The following SLC39A11 variants were observed in gnomAD, a reference collection of about 807,000 sequenced individuals.
SLC39A11 encodes solute carrier family 39 member 11, also known as zinc transporter ZIP11.
Under a neutral mutation model 36.1 loss-of-function variants are expected in SLC39A11, and 33 were observed. The ratio of observed to expected loss-of-function variants is 0.91; its 90% CI spans 0.69 to 1.22. SLC39A11 has a LOEUF of 1.22. Ranked by LOEUF, SLC39A11 falls within the 50% of genes most tolerant of loss-of-function variation. The pLI is 0.00. For missense variants in SLC39A11, 432 were observed against 430.3 expected (o/e 1.00, Z -0.03); for synonymous variants, 166 against 170.3 (o/e 0.97, Z 0.20).
intron 3 of SLC39A11, among the ~76,000 whole-genome samples, chr17:73,034,040 C>T (rs535687468): frequency 4.6e-5 from 7 of 152,264 alleles, no homozygotes; most frequent in South Asian, 2.1e-4. Context: ...CTCCATGAGC[C>T]GGGCTGTCAA....
chr17:72,662,552 AAAAAG>A (rs1298994158), intron 7 of SLC39A11, among the ~76,000 whole-genome samples: 19 of 93,762 alleles, frequency 2.0e-4, no homozygotes, highest in African/African-American at 5.6e-4. Context: ...AAAGAAAAGA[AAAAAG>A]AAAAGAAAAG....
intron 5 of SLC39A11, among the ~76,000 whole-genome samples, chr17:72,886,564 G>A (rs766819067): frequency 6.6e-6 from 1 of 152,082 alleles, no homozygotes; most frequent in Non-Finnish European, 1.5e-5. Flanking sequence ...CCTCCAAACT[G>A]CTGATCTGGA....
intron 5 of SLC39A11, among the ~76,000 whole-genome samples, chr17:72,851,051 G>C (rs991018947): frequency 2.6e-5 from 4 of 151,960 alleles, no homozygotes; most frequent in African/African-American, 9.7e-5. Flanking sequence ...CAATCAGAAG[G>C]AATCAGATAT....
At chr17:73,082,116 T>TAAAGAAAAAA (rs2060558853) in intron 3 of SLC39A11, among the ~76,000 whole-genome samples, 1 of 80,354 alleles carries the variant, frequency 1.2e-5, no homozygotes, top group Non-Finnish European at 2.2e-5. Context: ...CTACTGAAAC[T>TAAAGAAAAAA]AAAAAAAAAG....
intron 4 of SLC39A11, among the ~76,000 whole-genome samples, chr17:72,970,382 A>T (rs2087350173): frequency 1.3e-5 from 2 of 152,194 alleles, no homozygotes; most frequent in Non-Finnish European, 2.9e-5. Flanking sequence ...ATTACAAGTA[A>T]CAAGCCCTCA....
chr17:73,078,899 T>C (rs180732667), intron 3 of SLC39A11, among the ~76,000 whole-genome samples: 2 of 152,190 alleles, frequency 1.3e-5, no homozygotes, highest in Admixed American at 1.3e-4. Flanking sequence ...AACAAGCCTA[T>C]GTTTCTTTGT....
intron 7 of SLC39A11, among the ~76,000 whole-genome samples, chr17:72,731,395 A>G (rs538942431): frequency 2.0e-5 from 3 of 152,132 alleles, no homozygotes; most frequent in South Asian, 2.1e-4. Context: ...GTAATCCCCA[A>G]TGTTGGGGGT....
intron 4 of SLC39A11, among the ~76,000 whole-genome samples, chr17:72,971,727 A>T (rs1038654336): frequency 2.2e-5 from 3 of 134,574 alleles, no homozygotes; most frequent in Non-Finnish European, 4.8e-5. Flanking sequence ...AGCATATGCA[A>T]CCGGGATGCC....
intron 7 of SLC39A11, among the ~76,000 whole-genome samples, chr17:72,703,385 C>G (rs537120017): frequency 6.6e-6 from 1 of 152,128 alleles, no homozygotes; most frequent in African/African-American, 2.4e-5. Context: ...ATAGCAGTTC[C>G]GTGTGGGGAG....
At chr17:72,805,072 CTA>C (rs1371412939) in intron 6 of SLC39A11, among the ~76,000 whole-genome samples, 1 of 152,096 alleles carries the variant, frequency 6.6e-6, no homozygotes, top group African/African-American at 2.4e-5. Context: ...CATGACTATT[CTA>C]TGACACATGG....
intron 7 of SLC39A11, among the ~76,000 whole-genome samples, chr17:72,718,590 C>T (rs1266350064): frequency 6.6e-6 from 1 of 152,202 alleles, no homozygotes; most frequent in Non-Finnish European, 1.5e-5. Context: ...CACAGCCAGG[C>T]ACGTCACTTA....
At chr17:72,890,953 T>C (rs1200773972) in intron 5 of SLC39A11, among the ~76,000 whole-genome samples, 1 of 152,122 alleles carries the variant, frequency 6.6e-6, no homozygotes, top group Non-Finnish European at 1.5e-5. Context: ...TCATGAGTCA[T>C]GATTTTCCAC....
At chr17:73,064,533 C>T (rs2144334721) in intron 3 of SLC39A11, among the ~76,000 whole-genome samples, 1 of 152,256 alleles carries the variant, frequency 6.6e-6, no homozygotes, top group South Asian at 2.1e-4. Flanking sequence ...GCTAGAAATA[C>T]AACCTAGGGC....
intron 4 of SLC39A11, among the ~76,000 whole-genome samples, chr17:73,008,579 C>G (rs1186377359): frequency 2.0e-5 from 3 of 152,146 alleles, no homozygotes; most frequent in Admixed American, 6.6e-5. Context: ...ATAGGGACAC[C>G]AGGATATAGA....
intron 4 of SLC39A11, among the ~76,000 whole-genome samples, chr17:72,987,028 G>A (rs1430819521): frequency 6.6e-6 from 1 of 152,224 alleles, no homozygotes; most frequent in African/African-American, 2.4e-5. Context: ...GGTAGGAGGG[G>A]TTTGGGTCAC....
At chr17:72,871,306 C>T (rs571327954) in intron 5 of SLC39A11, among the ~76,000 whole-genome samples, 7 of 152,152 alleles carry the variant, frequency 4.6e-5, no homozygotes, top group South Asian at 2.1e-4. Flanking sequence ...AGGCAATCCA[C>T]CCACCTCAGC....
chr17:72,781,622 A>G (rs950895640), intron 6 of SLC39A11, among the ~76,000 whole-genome samples: 3 of 151,650 alleles, frequency 2.0e-5, no homozygotes, highest in Non-Finnish European at 4.4e-5. Context: ...ACGGGATTTC[A>G]CTGTGTTAAC....
chr17:73,004,232 A>AAAGAAAAG, intron 4 of SLC39A11, among the ~76,000 whole-genome samples: 4,933 of 88,072 alleles, frequency 0.056, 258 homozygotes, highest in Non-Finnish European at 0.073. Flanking sequence ...AGAAAGAAAG[A>AAAGAAAAG]AAAGAAAGAA....
At chr17:73,074,606 T>C (rs1344594892) in intron 3 of SLC39A11, among the ~76,000 whole-genome samples, 1 of 152,084 alleles carries the variant, frequency 6.6e-6, no homozygotes, top group Non-Finnish European at 1.5e-5. Context: ...CATGCTACAA[T>C]TTAAGTCCAT....
Sources: allele counts gnomAD v4.1 joint callset (sites outside exome capture counted in the v4.1 genomes callset), GRCh38; gene constraint gnomAD v4.1.1; transcripts MANE v1.5; gene names NCBI Gene and HGNC (gene_info 2026-07-23, HGNC 2026-07-21).